The following VPS13D variants were observed in gnomAD, a reference collection of about 807,000 sequenced individuals.
The protein encoded by VPS13D is intermembrane lipid transfer protein VPS13D.
VPS13D carries 187 observed loss-of-function variants against 461.9 expected under a neutral mutation model. The observed-to-expected ratio is 0.40, with a 90% CI of 0.36 to 0.46. VPS13D has a LOEUF of 0.46. Ranked by LOEUF, VPS13D falls within the 20% of genes least tolerant of loss-of-function variation. The pLI is 0.60. For synonymous variants in VPS13D, 1,951 were observed against 1,986.3 expected, an observed-to-expected ratio of 0.98 and a Z score of 0.47; for missense variants, 4,711 against 5,364.9, an observed-to-expected ratio of 0.88 and a Z score of 3.81.
rs138757454 is a variant in VPS13D, at chr1:12,247,873, T to A, written c.448-1350T>A. On this transcript the variant is annotated intron_variant, in intron 5 of 69. Transcript: ENST00000620676. ...CCTGCGCTATCATGCCTGGCTAAGTTTTGTATTTTTGTATTTTTTTTTTTT... is the reference window on the plus strand; with the variant it reads ...CCTGCGCTATCATGCCTGGCTAAGTATTGTATTTTTGTATTTTTTTTTTTT... Among the ~76,000 whole-genome samples the A allele has an allele frequency of 8.4e-3, 1,274 of 151,448 alleles. 16 individuals are homozygous for A. Among genetic ancestry groups the A allele is most frequent in the South Asian group, 0.022 (104 of 4,782 alleles).
intron 54 of VPS13D, among the ~76,000 whole-genome samples, chr1:12,371,230 C>T (rs753229320): frequency 3.9e-5 from 6 of 152,010 alleles, no homozygotes; most frequent in Non-Finnish European, 7.4e-5. Flanking sequence ...TGTCTCCAGC[C>T]GCAGGAAACC....
intron 20 of VPS13D, among the ~76,000 whole-genome samples, chr1:12,280,449 T>TC (rs1358923946): frequency 1.3e-5 from 2 of 152,136 alleles, no homozygotes; most frequent in African/African-American, 4.8e-5. Flanking sequence ...GACAAATTTT[T>TC]CACCTTAAAT....
In VPS13D at chr1:12,507,967, A is replaced by G. The variant is rs536971352; in HGVS notation, c.13035+874A>G. Among the ~76,000 whole-genome samples the G allele has an allele frequency of 2.0e-5, 3 of 152,188 alleles. No homozygotes were observed. The highest frequency in any genetic ancestry group is 4.8e-5 in the African/African-American group (2 of 41,450). On this transcript the variant is annotated intron_variant, in intron 69 of 69. Coordinates refer to ENST00000620676, the MANE Select transcript of VPS13D (RefSeq NM_015378.4). This position sits in a 1 kb window ranked among gnomAD's most constrained non-coding sequence, Gnocchi z 5.3. ...GGGCCTGCCCACCTCTGCTCTCTCT[A>G]TGGATCGGAAATAGCGCCAGCCTTA... is the stretch of plus-strand genomic sequence containing the variant.
intron 65 of VPS13D, among the ~76,000 whole-genome samples, chr1:12,435,511 C>T (rs1645048365): frequency 6.6e-6 from 1 of 152,114 alleles, no homozygotes; most frequent in Non-Finnish European, 1.5e-5. Context: ...TCACTATGTG[C>T]CAGGTACTGT....
intron 37 of VPS13D, among the ~76,000 whole-genome samples, chr1:12,331,711 T>TAAAA (rs757913489): frequency 1.9e-5 from 2 of 106,192 alleles, no homozygotes; most frequent in Non-Finnish European, 3.8e-5. Context: ...GACTCTGTCT[T>TAAAA]AAAAAAAAAA....
chr1:12,457,059 G>A (rs1418678193), intron 66 of VPS13D, among the ~76,000 whole-genome samples: 1 of 152,202 alleles, frequency 6.6e-6, no homozygotes, highest in Non-Finnish European at 1.5e-5. Flanking sequence ...TGGCATGAAT[G>A]CATTTGGTCT....
rs534303383 is a variant in VPS13D at position 12,471,842 on chromosome 1, C to A, written c.12662+11446C>A. On this transcript the variant is annotated intron_variant, in intron 67 of 69. Coordinates refer to ENST00000620676, the MANE Select transcript of VPS13D (RefSeq NM_015378.4). ...CTGCTTTGTTTTCTATATGCACATT[C>A]GTAATTTATTCTCAAATGCTTATTT... Among the ~76,000 whole-genome samples the A allele has an allele frequency of 2.0e-5, 3 of 151,988 alleles. No homozygotes were observed. The East Asian group carries it at 5.8e-4, about 29-fold the overall frequency.
rs879258712 is a variant in VPS13D at position 12,279,227 on chromosome 1, A to G, written c.4451-272A>G. On this transcript the variant is annotated intron_variant, in intron 19 of 69. Coordinates refer to ENST00000620676, the MANE Select transcript of VPS13D (RefSeq NM_015378.4). This position sits in a 1 kb window ranked among gnomAD's most constrained non-coding sequence, Gnocchi z 4.3. ...TCTGGACTGGAATAATGTTCACCAC[A>G]TCGTGCTTTGAAGCTACCAAGTGGA... Among the ~76,000 whole-genome samples, 2 of 152,164 alleles carry G rather than the reference A, an allele frequency of 1.3e-5. No individual in the cohort carries two copies. The highest frequency in any genetic ancestry group is 2.4e-5 in the African/African-American group (1 of 41,430).
At chr1:12,318,592 C>G (rs1202436402) in intron 31 of VPS13D, among the ~76,000 whole-genome samples, 1 of 152,160 alleles carries the variant, frequency 6.6e-6, no homozygotes, top group Non-Finnish European at 1.5e-5. Flanking sequence ...CGAGCACCCG[C>G]CTGGGCAGTG....
chr1:12,337,905 A>G (rs1239636992), intron 39 of VPS13D: 1 of 212,754 alleles, frequency 4.7e-6, no homozygotes, highest in African/African-American at 2.3e-5. Context: ...CCATTTAAGA[A>G]CATAACACCT....
rs1390525161 is a variant in VPS13D at position 12,281,431 on chromosome 1, T to TGTC, written c.4603-1273_4603-1271dup. 8.5e-5 allele frequency among the ~76,000 whole-genome samples: 13 copies of TGTC among 152,314 alleles called. No homozygotes were observed. The South Asian group carries it at 2.3e-3, about 27-fold the overall frequency. On this transcript the variant is annotated intron_variant, in intron 20 of 69. Transcript: ENST00000620676. The stretch of plus-strand genomic sequence containing the variant: ...GAACTAAGTCAGTTGTCCTGTGGAA[T>TGTC]GTCCCACTTTCTGGATTTGGCTGTT...
intron 60 of VPS13D, among the ~76,000 whole-genome samples, chr1:12,387,526 AC>A (rs1167150893): frequency 3.3e-5 from 5 of 152,038 alleles, no homozygotes; most frequent in Non-Finnish European, 5.9e-5. Flanking sequence ...TGTTAATGTA[AC>A]TGTATTCTCT....
At chr1:12,280,672 A>G (rs1641751156) in intron 20 of VPS13D, among the ~76,000 whole-genome samples, 1 of 151,936 alleles carries the variant, frequency 6.6e-6, no homozygotes, top group Non-Finnish European at 1.5e-5. Flanking sequence ...TATTTTTAGT[A>G]GAGACGGGGT....
At chr1:12,233,626 G>A (rs1640055353) in intron 1 of VPS13D, among the ~76,000 whole-genome samples, 1 of 152,224 alleles carries the variant, frequency 6.6e-6, no homozygotes. Flanking sequence ...AGACAGCTTT[G>A]AATTGTAGGT....
Position 12,454,278 on chromosome 1 carries a change from A to G in VPS13D, c.12334-1720A>G, listed in dbSNP as rs1271799352. Among the ~76,000 whole-genome samples the G allele has an allele frequency of 2.6e-5, 4 of 152,198 alleles. No homozygotes were observed. In the South Asian group the frequency reaches 6.2e-4, roughly 24 times the overall value. On this transcript the variant is annotated intron_variant, in intron 65 of 69. Transcript: ENST00000620676. ...TGCCCCAGCTTGTGGCCCTTCTCCT[A>G]TACTGTGGTAACTCTCAGATGGGGT...
At chr1:12,338,469 A>G (rs888711426) in intron 40 of VPS13D, among the ~76,000 whole-genome samples, 164 bp downstream of exon 40, 6 of 152,180 alleles carry the variant, frequency 3.9e-5, no homozygotes, top group African/African-American at 1.4e-4. Context: ...AGAGTGGTGC[A>G]TATTATCAGC....
In VPS13D at chr1:12,244,650, C is replaced by T. The variant is rs368586755; in HGVS notation, c.447+33C>T. ...CTGCTGACTTTTATAAAAGTATCAA[C>T]GTGAAAGGGATTTCTCAGGTTTAAA... On this transcript the variant is annotated intron_variant, in intron 5 of 69. Transcript: ENST00000620676. The T allele has an allele frequency of 6.0e-5, 95 of 1,579,804 alleles. No homozygotes were observed. In the African/African-American group the frequency reaches 1.1e-3, roughly 17 times the overall value.
At chr1:12,261,458 C>T (rs769014907) in intron 12 of VPS13D, among the ~76,000 whole-genome samples, 8 of 152,180 alleles carry the variant, frequency 5.3e-5, no homozygotes, top group African/African-American at 1.7e-4. Context: ...CTGCAGTGTC[C>T]GATATCTAGC....
At position 12,278,056 on chromosome 1, in the gene VPS13D, TTTG is replaced by T. The variant is rs1182449820; in HGVS notation, c.4450+21_4450+23del. On this transcript the variant is annotated intron_variant, in intron 19 of 69. Transcript: ENST00000620676. ...AGGTCAAGGTGAGGAGCATCAGTCT[TTTG>T]TTCTATTTTGTTTAATGATTGAAAA... The T allele has an allele frequency of 1.3e-6, 2 of 1,576,434 alleles. No homozygotes were observed. Among genetic ancestry groups the T allele is most frequent in the Non-Finnish European group, 1.7e-6 (2 of 1,163,100 alleles).
Sources: gnomAD v4.1 joint callset for allele counts (sites outside exome capture counted in the v4.1 genomes callset) on GRCh38, gnomAD v4.1.1 for gene constraint, Gnocchi (gnomAD v3.1) non-coding constraint, MANE v1.5 for transcripts, NCBI Gene and HGNC (gene_info 2026-07-23, HGNC 2026-07-21) for gene names.